GFM2: variants seen among roughly 807,000 people sequenced by gnomAD.
GFM2 encodes the protein ribosome-releasing factor 2, mitochondrial.
Under a neutral mutation model 95.4 loss-of-function variants are expected in GFM2, and 72 were observed. That is an observed-to-expected ratio of 0.76 (90% CI 0.62 to 0.92). GFM2 has a LOEUF of 0.92. Ranked by LOEUF, GFM2 falls within the 40% of genes least tolerant of loss-of-function variation. The pLI, the probability that GFM2 is intolerant of heterozygous loss-of-function variation, is 0.00. For missense variants in GFM2, 825 were observed against 924.1 expected, an observed-to-expected ratio of 0.89 and a Z score of 1.39; for synonymous variants, 276 against 317.5, an observed-to-expected ratio of 0.87 and a Z score of 1.39.
chr5:74,738,196 T>C, intron 14 of GFM2, 122 bp downstream of exon 14: 1 of 712,606 alleles, frequency 1.4e-6, no homozygotes, highest in East Asian at 2.7e-5. Context: ...TATGCCATAA[T>C]ATTCTTTATT....
chr5:74,758,882 A>C lies in GFM2; in HGVS notation c.271T>G (p.Leu91Val). 1 of 1,608,860 alleles carries C rather than the reference A, an allele frequency of 6.2e-7. No homozygotes were observed. Among genetic ancestry groups the C allele is most frequent in the Non-Finnish European group, 8.5e-7 (1 of 1,175,298 alleles). ...AGKTTTTERILYYSGYTRSLG... is the reference protein window; with the variant it reads ...AGKTTTTERIVYYSGYTRSLG... ...GATCTTGTATATCCGGAATAGTACA[A>C]TATTCTTTCTGTGGTGGTAGTTTTG... The change falls in exon 5 of 21, where the codon TTG becomes GTG. Residue 91 changes from leucine to valine, a missense_variant. Physicochemically the swap from Leu to Val is conservative, Grantham distance 32 (BLOSUM62 1). Transcript: ENST00000296805.
chr5:74,763,847 T>G, intron 1 of GFM2, 81 bp from the exon 2 acceptor site: 1 of 742,840 alleles, frequency 1.3e-6, no homozygotes, highest in Non-Finnish European at 2.3e-6. Context: ...TAGACATATG[T>G]AATATGTATG....
At chr5:74,727,212 TATAC>T (rs1484407205) in intron 17 of GFM2, among the ~76,000 whole-genome samples, 1 of 152,108 alleles carries the variant, frequency 6.6e-6, no homozygotes, top group African/African-American at 2.4e-5. Flanking sequence ...TATATGAGTA[TATAC>T]ATATTTATGT....
Position 74,730,379 on chromosome 5 carries a change from C to A in GFM2, c.1607G>T (p.Gly536Val), listed in dbSNP as rs755717926. 6.2e-7 allele frequency: 1 copy of A among 1,606,906 alleles called. No individual in the cohort carries two copies. Among genetic ancestry groups the A allele is most frequent in the Non-Finnish European group, 8.5e-7 (1 of 1,176,052 alleles). ...DSGQTVLCGM[G>V]ELHIEIIHDR... ...ATGAATAATCTCTATATGTAACTCCCCCATACCACACAGAACAGTCTGGTT... is the reference window on the plus strand; with the variant it reads ...ATGAATAATCTCTATATGTAACTCCACCATACCACACAGAACAGTCTGGTT... The change falls in exon 17 of 21, where the codon GGG (glycine) becomes GTG (valine). Residue 536 changes from glycine (G) to valine (V), a missense_variant. Coordinates refer to ENST00000296805, the MANE Select transcript of GFM2 (RefSeq NM_032380.5).
chr5:74,747,749 T>A lies in GFM2; in HGVS notation c.551A>T (p.Asp184Val), dbSNP rs1743459854. The A allele has an allele frequency of 6.2e-7, 1 of 1,611,838 alleles. No individual in the cohort carries two copies. Among genetic ancestry groups the A allele is most frequent in the African/African-American group, 1.3e-5 (1 of 74,870 alleles). The change falls in exon 8 of 21, where the codon GAT becomes GTT. Residue 184 changes from aspartate to valine, a missense_variant. Asp to Val is a radical substitution (Grantham distance 152, BLOSUM62 -3). Transcript: ENST00000296805. The stretch of plus-strand genomic sequence containing the variant: ...ACAGATTCGAGGTATATTGTGTTTA[T>A]CAGCTTGCCTCCATACTGTGAGAGT... ...AQTLTVWRQA[D>V]KHNIPRICFL...
chr5:74,722,476 A>G lies in GFM2; in HGVS notation c.2114T>C (p.Leu705Pro), dbSNP rs750853129. 6.8e-6 allele frequency: 11 copies of G among 1,613,912 alleles called. No individual in the cohort carries two copies. The highest frequency in any genetic ancestry group is 9.3e-6 in the Non-Finnish European group (11 of 1,179,900). Residue 705 changes from leucine (L) to proline (P), a missense_variant, in exon 20 of 21, where the codon CTG (leucine) becomes CCG (proline). Leu to Pro is a moderately conservative substitution (Grantham distance 98). Transcript: ENST00000296805. Reference protein sequence around the residue: ...TVARDYLSPVLADLAQRRGNI... With the variant: ...TVARDYLSPVPADLAQRRGNI... Reference sequence around the variant, plus strand: ...TCCTCTTCTTTGTGCCAGATCTGCCAGGACAGGGCTGAGATAATCTCTAGC... The same window carrying G: ...TCCTCTTCTTTGTGCCAGATCTGCCGGGACAGGGCTGAGATAATCTCTAGC...
intron 19 of GFM2, among the ~76,000 whole-genome samples, chr5:74,722,987 CTT>C (rs754465310): frequency 6.6e-5 from 10 of 151,884 alleles, no homozygotes; most frequent in Non-Finnish European, 1.3e-4. Flanking sequence ...TATGTAAAAT[CTT>C]TTCTTATTTA....
chr5:74,753,007 T>TCC (rs538990150), intron 5 of GFM2, among the ~76,000 whole-genome samples: 1 of 151,226 alleles, frequency 6.6e-6, no homozygotes, highest in African/African-American at 2.4e-5. Flanking sequence ...GGTTCTTTAA[T>TCC]CCCCCCCACC....
In GFM2 at chr5:74,738,390, C is replaced by G; in HGVS notation, c.1248G>C (p.Pro416=). 1.9e-6 allele frequency: 3 copies of G among 1,613,510 alleles called. No homozygotes were observed. Among genetic ancestry groups the G allele is most frequent in the Non-Finnish European group, 1.7e-6 (2 of 1,179,640 alleles). ...CTERISRLLL[P]FADQHVEIPS... The stretch of plus-strand genomic sequence containing the variant: ...GGATTTCTACATGTTGGTCAGCAAA[C>G]GGCAAAAGCAGACGACTTATTCTCT... The change falls in exon 14 of 21, where the codon CCG becomes CCC. Residue 416 remains proline, a synonymous_variant. Coordinates refer to ENST00000296805, the MANE Select transcript of GFM2 (RefSeq NM_032380.5).
At chr5:74,726,176 T>TCAAA (rs750112708) in intron 17 of GFM2, 50 bp from the exon 18 acceptor site, 5 of 1,424,644 alleles carry the variant, frequency 3.5e-6, no homozygotes, top group Non-Finnish European at 4.8e-6. Flanking sequence ...TGGAAAGGTA[T>TCAAA]CAAGGTACTA....
At chr5:74,761,899 G>A (rs1036390386) in intron 2 of GFM2, among the ~76,000 whole-genome samples, 35 of 152,244 alleles carry the variant, frequency 2.3e-4, no homozygotes, top group African/African-American at 8.4e-4. Context: ...GTATCTGTGC[G>A]ATCTATATTA....
chr5:74,758,801 G>T, intron 5 of GFM2, 48 bp downstream of exon 5: 2 of 1,171,058 alleles, frequency 1.7e-6, no homozygotes, highest in South Asian at 1.2e-5. Flanking sequence ...ATTTTCCAAT[G>T]ATGCTTTTGC....
intron 5 of GFM2, among the ~76,000 whole-genome samples, chr5:74,757,602 G>A (rs1036998645): frequency 4.0e-5 from 6 of 151,874 alleles, no homozygotes; most frequent in African/African-American, 1.5e-4. Flanking sequence ...GGTGGCACCT[G>A]CCTGTAGTCC....
Position 74,745,876 on chromosome 5 carries a change from T to C in GFM2, c.670-19A>G, listed in dbSNP as rs1225953170. 4 of 1,579,374 alleles carry C rather than the reference T, an allele frequency of 2.5e-6. No homozygotes were observed. The highest frequency in any genetic ancestry group is 1.7e-5 in the Admixed American group (1 of 57,442). ...TTGGTAACTGTAAGTCAGAGTGAGA[T>C]TAACATTATTACATGATCACTCACT... is the stretch of plus-strand genomic sequence containing the variant. On this transcript the variant is annotated intron_variant, in intron 9 of 20. Transcript: ENST00000296805.
chr5:74,747,656 T>A (rs764493098), intron 8 of GFM2, 36 bp downstream of exon 8: 1 of 1,246,832 alleles, frequency 8.0e-7, no homozygotes, highest in Admixed American at 1.8e-5. Flanking sequence ...AATTGTAGTT[T>A]CACCCTGATA....
chr5:74,757,722 C>T (rs1744063434), intron 5 of GFM2, among the ~76,000 whole-genome samples: 1 of 113,316 alleles, frequency 8.8e-6, no homozygotes, highest in Non-Finnish European at 1.7e-5. Context: ...GAGCAAGAGC[C>T]TATGTCTCTA....
At chr5:74,741,666 T>C in intron 10 of GFM2, 57 bp from the exon 11 acceptor site, 4 of 915,828 alleles carry the variant, frequency 4.4e-6, no homozygotes, top group Non-Finnish European at 6.9e-6. Context: ...TAACTATTAA[T>C]TTGTCCAAAC....
Position 74,746,115 on chromosome 5 carries a change from A to G in GFM2, c.659T>C (p.Leu220Ser). ...SIREKLKAKP[L>S]LLQLPIGEAK... ...TATTAACCAATTTACCTGTAAAAGCAAAGGCTTTGCCTTTAACTTCTCTCT... is the reference window on the plus strand; with the variant it reads ...TATTAACCAATTTACCTGTAAAAGCGAAGGCTTTGCCTTTAACTTCTCTCT... The change falls in exon 9 of 21, where the codon TTG becomes TCG. Residue 220 changes from leucine (L) to serine (S), a missense_variant. By Grantham distance (145) the Leu-to-Ser change is moderately radical (BLOSUM62 -2). Transcript: ENST00000296805. The G allele has an allele frequency of 1.9e-6, 3 of 1,554,624 alleles. No individual in the cohort carries two copies. Among genetic ancestry groups the G allele is most frequent in the Non-Finnish European group, 2.6e-6 (3 of 1,158,396 alleles).
At chr5:74,738,892 A>G (rs956315179) in intron 12 of GFM2, among the ~76,000 whole-genome samples, 3 of 152,134 alleles carry the variant, frequency 2.0e-5, no homozygotes, top group Non-Finnish European at 4.4e-5. Flanking sequence ...GAATAATTTC[A>G]TTGCCAAGAG....
Sources: gnomAD v4.1 joint callset for allele counts (sites outside exome capture counted in the v4.1 genomes callset) on GRCh38, gnomAD v4.1.1 for gene constraint, MANE v1.5 for transcripts, NCBI Gene and HGNC (gene_info 2026-07-23, HGNC 2026-07-21) for gene names.